Variants in ATG7 observed in about 807,000 individuals in gnomAD.
The protein encoded by ATG7 is autophagy related 7.
Under a neutral mutation model 82.4 loss-of-function variants are expected in ATG7, and 70 were observed. The ratio of observed to expected loss-of-function variants is 0.85; its 90% CI spans 0.70 to 1.04. The LOEUF (loss-of-function observed/expected upper bound fraction) is 1.04. Ranked by LOEUF, ATG7 falls within the 50% of genes least tolerant of loss-of-function variation. ATG7 has a pLI of 0.00. For missense variants in ATG7, 792 were observed against 864.3 expected, an observed-to-expected ratio of 0.92 and a Z score of 1.05; for synonymous variants, 287 against 313.0, an observed-to-expected ratio of 0.92 and a Z score of 0.88.
At chr3:11,413,883 A>T (rs1015948028) in intron 19 of ATG7, among the ~76,000 whole-genome samples, 1 of 152,164 alleles carries the variant, frequency 6.6e-6, no homozygotes, top group African/African-American at 2.4e-5. Context: ...GAGATTTCTG[A>T]TTACTGATTC....
At chr3:11,523,081 T>G (rs1393902910) in intron 20 of ATG7, among the ~76,000 whole-genome samples, 1 of 152,220 alleles carries the variant, frequency 6.6e-6, no homozygotes, top group African/African-American at 2.4e-5. Context: ...CATAATTTTG[T>G]GTCCTGTAGG....
chr3:11,379,884 C>G, intron 18 of ATG7, 88 bp from the exon 19 acceptor site: 1 of 1,309,194 alleles, frequency 7.6e-7, no homozygotes, highest in Non-Finnish European at 1.1e-6. Context: ...TTAATCATTT[C>G]CTACTTGTTG....
intron 7 of ATG7, among the ~76,000 whole-genome samples, chr3:11,312,777 G>A (rs978428522): frequency 4.6e-5 from 7 of 152,226 alleles, no homozygotes; most frequent in African/African-American, 1.4e-4. Context: ...TTATTTGATT[G>A]TGAAGAGAAT....
At chr3:11,517,482 G>A (rs760126606) in intron 20 of ATG7, among the ~76,000 whole-genome samples, 2 of 152,104 alleles carry the variant, frequency 1.3e-5, no homozygotes, top group Non-Finnish European at 2.9e-5. Flanking sequence ...AAAAAAACTC[G>A]ATCCCTGTCC....
chr3:11,337,929 C>A (rs756208505), intron 11 of ATG7, among the ~76,000 whole-genome samples: 15 of 151,988 alleles, frequency 9.9e-5, no homozygotes, highest in Non-Finnish European at 1.8e-4. Flanking sequence ...TAGTTCTTGT[C>A]AAGTTCCTTG....
At position 11,431,560 on chromosome 3, in the gene ATG7, C is replaced by T. The variant is rs571008087; in HGVS notation, c.2079+4634C>T. 1.2e-4 allele frequency among the ~76,000 whole-genome samples: 18 copies of T among 152,308 alleles called. No homozygotes were observed. The South Asian group carries it at 3.5e-3, about 30-fold the overall frequency. ...ATTAAAAGGTCACTCCCTGTTCCCTCCTCCTTCCAGCCCCTGGCAACCACT... is the reference window on the plus strand; with the variant it reads ...ATTAAAAGGTCACTCCCTGTTCCCTTCTCCTTCCAGCCCCTGGCAACCACT... On this transcript the variant is annotated intron_variant, in intron 20 of 20. Coordinates refer to ENST00000693202, the MANE Select transcript of ATG7 (RefSeq NM_001349232.2).
intron 20 of ATG7, among the ~76,000 whole-genome samples, chr3:11,489,894 C>T (rs1444216770): frequency 6.6e-6 from 1 of 151,964 alleles, no homozygotes; most frequent in East Asian, 1.9e-4. Context: ...GCTTTACTTC[C>T]AAGTATGTGG....
intron 14 of ATG7, among the ~76,000 whole-genome samples, chr3:11,357,501 C>T: frequency 6.6e-6 from 1 of 152,128 alleles, no homozygotes; most frequent in East Asian, 1.9e-4. Flanking sequence ...GATTTTTTGG[C>T]TCTAAGTTAG....
intron 20 of ATG7, among the ~76,000 whole-genome samples, chr3:11,455,323 G>A (rs1189470103): frequency 2.0e-5 from 3 of 152,164 alleles, no homozygotes; most frequent in African/African-American, 7.2e-5. Context: ...AGTAAGACTA[G>A]CACTTGCCAC....
intron 20 of ATG7, among the ~76,000 whole-genome samples, chr3:11,469,247 C>G (rs996086038): frequency 5.9e-5 from 9 of 151,992 alleles, no homozygotes; most frequent in Admixed American, 5.9e-4. Flanking sequence ...GTCGGGAGTT[C>G]AAGACCAGCC....
intron 20 of ATG7, among the ~76,000 whole-genome samples, chr3:11,447,253 C>T (rs1353790466): frequency 6.6e-6 from 1 of 152,144 alleles, no homozygotes; most frequent in African/African-American, 2.4e-5. Flanking sequence ...ATCATGAGGT[C>T]AGGAATTCGA....
chr3:11,300,767 A>G (rs1179041535), intron 5 of ATG7, among the ~76,000 whole-genome samples: 1 of 152,190 alleles, frequency 6.6e-6, no homozygotes, highest in Non-Finnish European at 1.5e-5. Flanking sequence ...TTTCACTTTC[A>G]GTACAGTATT....
At chr3:11,561,228 G>T (rs1442875724), downstream of ATG7, among the ~76,000 whole-genome samples, 1 of 152,164 alleles carries the variant, frequency 6.6e-6, no homozygotes, top group Admixed American at 6.5e-5. Flanking sequence ...GAACTGGGGA[G>T]ACATTTCGAG....
intron 9 of ATG7, among the ~76,000 whole-genome samples, chr3:11,327,222 C>T (rs1335566545): frequency 1.3e-5 from 2 of 152,206 alleles, no homozygotes; most frequent in East Asian, 3.8e-4. Flanking sequence ...GAGTTATAAA[C>T]CAGCAAGACA....
chr3:11,540,163 A>G (rs191618662), intron 20 of ATG7, among the ~76,000 whole-genome samples: 2 of 152,374 alleles, frequency 1.3e-5, no homozygotes, highest in East Asian at 3.9e-4. Flanking sequence ...TGTTGCCACC[A>G]GCAGAGTTTG....
chr3:11,363,061 T>A, intron 17 of ATG7, 133 bp downstream of exon 17: 1 of 786,706 alleles, frequency 1.3e-6, no homozygotes. Flanking sequence ...AAAACAAGAC[T>A]AGAAAAAGCA....
chr3:11,358,758 T>G (rs1274654422), intron 15 of ATG7, 146 bp downstream of exon 15: 1 of 789,304 alleles, frequency 1.3e-6, no homozygotes, highest in African/African-American at 1.7e-5. Context: ...CTTCAGACTC[T>G]GTCTTTGCCT....
At chr3:11,530,342 A>T (rs1367231167) in intron 20 of ATG7, among the ~76,000 whole-genome samples, 2 of 152,088 alleles carry the variant, frequency 1.3e-5, no homozygotes, top group Non-Finnish European at 2.9e-5. Flanking sequence ...GCCTGGCCGT[A>T]CTCCGAGAAG....
At chr3:11,565,150 C>T in the ATG7 span, 75 of 931,096 alleles carry the variant, frequency 8.1e-5, no homozygotes, top group Non-Finnish European at 1.0e-4. This position sits in a 1 kb window ranked among gnomAD's most constrained non-coding sequence, Gnocchi z 4.1. Context: ...CTGGGCAGCA[C>T]GATGAGGAGC....
Sources: gnomAD v4.1 joint callset for allele counts (sites outside exome capture counted in the v4.1 genomes callset) on GRCh38, gnomAD v4.1.1 for gene constraint, Gnocchi (gnomAD v3.1) non-coding constraint, MANE v1.5 for transcripts, NCBI Gene and HGNC (gene_info 2026-07-23, HGNC 2026-07-21) for gene names.